The following NUP98 variants were observed in gnomAD, a reference collection of about 807,000 sequenced individuals.
NUP98 encodes nucleoporin 98 and 96 precursor.
A neutral mutation model predicts 191.9 loss-of-function variants in NUP98; 26 were observed. The ratio of observed to expected loss-of-function variants is 0.14; its 90% CI spans 0.10 to 0.19. The LOEUF is 0.19. Among genes scored for constraint, NUP98 ranks in the 10% least tolerant of loss-of-function variants. The pLI, the probability that NUP98 is intolerant of heterozygous loss-of-function variation, is 1.00. For synonymous variants in NUP98, 808 were observed against 778.4 expected, an observed-to-expected ratio of 1.04 and a Z score of -0.63; for missense variants, 1,941 against 2,178.8, an observed-to-expected ratio of 0.89 and a Z score of 2.17.
In NUP98 at chr11:3,731,429, G is replaced by A. The variant is rs372044168; in HGVS notation, c.1692C>T (p.Asp564=). 86 of 1,604,786 alleles carry A rather than the reference G, an allele frequency of 5.4e-5. No homozygotes were observed. Among genetic ancestry groups the A allele is most frequent in the South Asian group, 1.9e-4 (17 of 88,542 alleles). ...CTCCATTGGCTAGGGATGGTTCATC[G>A]TCATCCAGCCCATCAAAGAGATGTG... ...AKSHLFDGLD[D]DEPSLANGAF... Residue 564 remains aspartate (D), a synonymous_variant, in exon 14 of 33, where the codon GAC becomes GAT. Transcript: ENST00000324932.
chr11:3,677,974 T>C (rs1298273857), intron 31 of NUP98, among the ~76,000 whole-genome samples: 3 of 108,364 alleles, frequency 2.8e-5, no homozygotes, highest in Non-Finnish European at 6.3e-5. Context: ...CCGTCTCTAC[T>C]AAAATACACA....
intron 23 of NUP98, among the ~76,000 whole-genome samples, chr11:3,702,098 T>C (rs1476412400): frequency 6.6e-6 from 1 of 151,736 alleles, no homozygotes; most frequent in East Asian, 1.9e-4. Flanking sequence ...ATTAGCTGGG[T>C]GTGGTGGCGT....
intron 14 of NUP98, among the ~76,000 whole-genome samples, chr11:3,729,406 G>C (rs2079745990): frequency 6.6e-6 from 1 of 151,626 alleles, no homozygotes; most frequent in Admixed American, 6.6e-5. Context: ...TGCGTAAAAT[G>C]CTTCTGTTAC....
chr11:3,768,916 T>C (rs1289760215), intron 7 of NUP98, among the ~76,000 whole-genome samples, 172 bp from the exon 8 acceptor site: 2 of 152,214 alleles, frequency 1.3e-5, no homozygotes, highest in African/African-American at 4.8e-5. Flanking sequence ...TAACTCTAGA[T>C]TTAAACTTTA....
chr11:3,775,993 T>C lies in NUP98; in HGVS notation c.384A>G (p.Gly128=). The part of the protein sequence containing the change: ...GNFGTSTSSG[G]LFGTTNTTSN... ...AGGTGGTATTTGTGGTTCCAAAGAG[T>C]CCTCCACTGCTAGTACTGGTTCCAA... The change falls in exon 5 of 33, where the codon GGA becomes GGG. Residue 128 remains glycine, a synonymous_variant. Coordinates refer to ENST00000324932, the MANE Select transcript of NUP98 (RefSeq NM_016320.5). 6.2e-7 allele frequency: 1 copy of C among 1,612,922 alleles called. No homozygotes were observed. The highest frequency in any genetic ancestry group is 8.5e-7 in the Non-Finnish European group (1 of 1,179,396).
At chr11:3,756,511 C>G (rs1416019812) in intron 10 of NUP98, among the ~76,000 whole-genome samples, 1 of 152,074 alleles carries the variant, frequency 6.6e-6, no homozygotes, top group Admixed American at 6.6e-5. Context: ...CAACTTCTGC[C>G]TCCTGGGTTC....
chr11:3,690,942 A>C (rs985903167), intron 28 of NUP98, among the ~76,000 whole-genome samples: 3 of 152,218 alleles, frequency 2.0e-5, no homozygotes, highest in Admixed American at 2.0e-4. Context: ...AACATACAGT[A>C]TGATCTCCAC....
intron 29 of NUP98, among the ~76,000 whole-genome samples, chr11:3,685,112 T>C (rs536414554): frequency 3.3e-4 from 50 of 152,290 alleles, no homozygotes; most frequent in African/African-American, 1.2e-3. Flanking sequence ...TTAATATATA[T>C]GGTATACAAT....
rs947121709 is a variant in NUP98 at position 3,767,839 on chromosome 11, T to G, written c.948+742A>C. ...CTTTAAAAAAAAAAAACAAAAAAAC[T>G]TCTTTGTATGATTCCCAAGGGAACT... On this transcript the variant is annotated intron_variant, in intron 8 of 32. Transcript: ENST00000324932. 5.3e-5 allele frequency among the ~76,000 whole-genome samples: 8 copies of G among 151,962 alleles called. 1 individual carries two copies. Among genetic ancestry groups the G allele is most frequent in the African/African-American group, 1.9e-4 (8 of 41,520 alleles).
chr11:3,735,471 T>C (rs1273377864), intron 12 of NUP98, 147 bp from the exon 13 acceptor site: 2 of 349,802 alleles, frequency 5.7e-6, no homozygotes, highest in Admixed American at 4.7e-5. Context: ...GCAGAATGTG[T>C]GTAGAGCAAA....
At chr11:3,682,935 A>G (rs923568309) in intron 30 of NUP98, among the ~76,000 whole-genome samples, 1 of 152,194 alleles carries the variant, frequency 6.6e-6, no homozygotes, top group African/African-American at 2.4e-5. Context: ...GAAAATTCCC[A>G]TAAGTAAACA....
At chr11:3,763,217 A>T (rs193031903) in intron 8 of NUP98, among the ~76,000 whole-genome samples, 178 bp from the exon 9 acceptor site, 1 of 152,182 alleles carries the variant, frequency 6.6e-6, no homozygotes, top group Non-Finnish European at 1.5e-5. Flanking sequence ...ATATTTTTCA[A>T]AAAGCTCAGA....
rs1291529776 is a variant in NUP98 at position 3,744,636 on chromosome 11, T to A, written c.1281A>T (p.Gly427=). 1 of 1,611,864 alleles carries A rather than the reference T, an allele frequency of 6.2e-7. No homozygotes were observed. The highest frequency in any genetic ancestry group is 8.5e-7 in the Non-Finnish European group (1 of 1,178,960). The change falls in exon 12 of 33, where the codon GGA becomes GGT. Residue 427 remains glycine, a synonymous_variant. Coordinates refer to ENST00000324932, the MANE Select transcript of NUP98 (RefSeq NM_016320.5). ...GGTTGTTCCCAAACAAAGATGCCTGTCCAGCACCAAGAGCTACGGAGACAA... is the reference window on the plus strand; with the variant it reads ...GGTTGTTCCCAAACAAAGATGCCTGACCAGCACCAAGAGCTACGGAGACAA... ...GAGFGTALGA[G]QASLFGNNQP...
chr11:3,743,657 A>G (rs1448448253), intron 12 of NUP98, among the ~76,000 whole-genome samples: 1 of 151,626 alleles, frequency 6.6e-6, no homozygotes, highest in Non-Finnish European at 1.5e-5. Context: ...AAAAAAAAAA[A>G]AAAAAAAAAG....
intron 1 of NUP98, among the ~76,000 whole-genome samples, chr11:3,789,497 A>AT (rs2082260327): frequency 8.5e-6 from 1 of 117,404 alleles, no homozygotes; most frequent in African/African-American, 3.1e-5. Context: ...TCATTTACCT[A>AT]TTTCTTTTTT....
At chr11:3,771,606 C>T (rs949896993) in intron 7 of NUP98, 142 bp downstream of exon 7, 8 of 673,992 alleles carry the variant, frequency 1.2e-5, no homozygotes, top group African/African-American at 7.2e-5. Context: ...TCCCCACATA[C>T]ATCCAGGCAT....
chr11:3,760,339 A>G (rs2081123607), intron 10 of NUP98, 200 bp downstream of exon 10: 1 of 663,626 alleles, frequency 1.5e-6, no homozygotes. Flanking sequence ...AGCCATATCC[A>G]GGACTTTAAA....
In NUP98 at chr11:3,730,815, C is replaced by CA. The variant is rs1379391068; in HGVS notation, c.1730+575dup. 4.7e-5 allele frequency among the ~76,000 whole-genome samples: 7 copies of CA among 149,922 alleles called. No individual in the cohort carries two copies. The South Asian group carries it at 6.3e-4, about 14-fold the overall frequency. ...AGACCTGAACTTTTAAAAGCAACAA[C>CA]AAAAAAACCTAATTATTCAAAAACA... On this transcript the variant is annotated intron_variant, in intron 14 of 32. Coordinates refer to ENST00000324932, the MANE Select transcript of NUP98 (RefSeq NM_016320.5).
chr11:3,729,083 T>C (rs558885259), intron 14 of NUP98, among the ~76,000 whole-genome samples: 1 of 152,112 alleles, frequency 6.6e-6, no homozygotes, highest in Non-Finnish European at 1.5e-5. Context: ...AGTGAAGATG[T>C]AGAGTAGGGT....
Sources: gnomAD v4.1 joint callset for allele counts (sites outside exome capture counted in the v4.1 genomes callset) on GRCh38, gnomAD v4.1.1 for gene constraint, MANE v1.5 for transcripts, NCBI Gene and HGNC (gene_info 2026-07-23, HGNC 2026-07-21) for gene names.